The following MAP2K5 variants were observed in gnomAD, a reference collection of about 807,000 sequenced individuals.
MAP2K5 encodes the protein dual specificity mitogen-activated protein kinase kinase 5.
Under a neutral mutation model 83.1 loss-of-function variants are expected in MAP2K5, and 49 were observed. The observed-to-expected ratio is 0.59, with a 90% CI of 0.47 to 0.75. The LOEUF is 0.75. Among genes scored for constraint, MAP2K5 ranks in the 30% least tolerant of loss-of-function variants. MAP2K5 has a pLI of 0.00. For synonymous variants in MAP2K5, 202 were observed against 191.8 expected (o/e 1.05, Z -0.44); for missense variants, 457 against 557.5 (o/e 0.82, Z 1.82).
chr15:67,606,448 T>G (rs1255680068), intron 8 of MAP2K5, among the ~76,000 whole-genome samples: 1 of 152,230 alleles, frequency 6.6e-6, no homozygotes, highest in Non-Finnish European at 1.5e-5. Flanking sequence ...CATGGTGTTT[T>G]GAAGGTTGAA....
At chr15:67,629,322 A>G (rs867527224) in intron 8 of MAP2K5, among the ~76,000 whole-genome samples, 5 of 152,280 alleles carry the variant, frequency 3.3e-5, no homozygotes, top group South Asian at 2.1e-4. Flanking sequence ...TATTTGTCTA[A>G]TTGTATAACA....
At chr15:67,714,489 T>C (rs149323515) in intron 16 of MAP2K5, among the ~76,000 whole-genome samples, 30 of 124,496 alleles carry the variant, frequency 2.4e-4, no homozygotes, top group Middle Eastern at 9.5e-3. Context: ...CTAATGGGTG[T>C]GTGGTTGTGG....
intron 21 of MAP2K5, among the ~76,000 whole-genome samples, chr15:67,795,631 A>G (rs970346252): frequency 6.6e-6 from 1 of 152,182 alleles, no homozygotes; most frequent in Non-Finnish European, 1.5e-5. Flanking sequence ...CCCTTAGAAC[A>G]TGGTCATTTG....
intron 13 of MAP2K5, 65 bp downstream of exon 13, chr15:67,664,710 G>T: frequency 9.9e-7 from 1 of 1,009,618 alleles, no homozygotes; most frequent in South Asian, 1.4e-5. Flanking sequence ...CAGATACCTT[G>T]ATTTTTAAAG....
At chr15:67,578,669 T>C (rs1054576525) in intron 3 of MAP2K5, among the ~76,000 whole-genome samples, 9 of 152,106 alleles carry the variant, frequency 5.9e-5, no homozygotes. Flanking sequence ...TATAGATGGC[T>C]TAAAAATTCT....
chr15:67,798,946 GC>G (rs1294065808), intron 21 of MAP2K5, among the ~76,000 whole-genome samples: 1 of 152,142 alleles, frequency 6.6e-6, no homozygotes, highest in Non-Finnish European at 1.5e-5. Context: ...CAAAGCAGGT[GC>G]ATCACGAGGT....
At chr15:67,728,819 G>A (rs2089160522) in intron 17 of MAP2K5, among the ~76,000 whole-genome samples, 1 of 152,224 alleles carries the variant, frequency 6.6e-6, no homozygotes, top group Admixed American at 6.5e-5. Context: ...TTATGCAGAT[G>A]CATCACAAAC....
chr15:67,658,308 A>G (rs2087139802), intron 11 of MAP2K5, among the ~76,000 whole-genome samples: 1 of 152,130 alleles, frequency 6.6e-6, no homozygotes, highest in Non-Finnish European at 1.5e-5. Context: ...GCCCTTGACT[A>G]GTTTCTTTCA....
At position 67,586,913 on chromosome 15, in the gene MAP2K5, G is replaced by A. The variant is rs1210064603; in HGVS notation, c.431G>A (p.Ser144Asn). ...PAVSDSLPSN[S>N]LKKSSAELKK... Reference sequence around the variant, plus strand: ...GTCTCAGATTCACTTCCAAGCAATAGGTGCGAGCGAGCAAGTAAAGTGTGC... The same window carrying A: ...GTCTCAGATTCACTTCCAAGCAATAAGTGCGAGCGAGCAAGTAAAGTGTGC... The change falls in exon 6 of 22, where the codon AGC (serine) becomes AAC (asparagine). Residue 144 changes from serine to asparagine, a missense_variant and splice_region_variant. Coordinates refer to ENST00000178640, the MANE Select transcript of MAP2K5 (RefSeq NM_145160.3). 6.2e-7 allele frequency: 1 copy of A among 1,614,144 alleles called. No homozygotes were observed. The highest frequency in any genetic ancestry group is 8.5e-7 in the Non-Finnish European group (1 of 1,180,012).
chr15:67,662,278 T>G (rs140949961), intron 12 of MAP2K5, among the ~76,000 whole-genome samples: 76 of 152,328 alleles, frequency 5.0e-4, no homozygotes, highest in African/African-American at 1.8e-3. Context: ...ATTGCATTTC[T>G]TATTTCACAG....
intron 8 of MAP2K5, among the ~76,000 whole-genome samples, chr15:67,603,295 GGGC>G (rs1344545180): frequency 6.6e-6 from 1 of 152,096 alleles, no homozygotes; most frequent in African/African-American, 2.4e-5. Context: ...CCTTTAATTA[GGGC>G]TACTATGTCA....
At chr15:67,613,243 A>G (rs1262924982) in intron 8 of MAP2K5, among the ~76,000 whole-genome samples, 1 of 152,226 alleles carries the variant, frequency 6.6e-6, no homozygotes, top group Non-Finnish European at 1.5e-5. Flanking sequence ...CAGTGCAGAA[A>G]ACTTAAAAGA....
intron 11 of MAP2K5, among the ~76,000 whole-genome samples, chr15:67,647,015 T>TA (rs1344283393): frequency 1.3e-5 from 2 of 152,220 alleles, no homozygotes; most frequent in African/African-American, 2.4e-5. Flanking sequence ...ACCTGAATAT[T>TA]ACGGCAAAAT....
In MAP2K5 at chr15:67,614,978, T is replaced by TATGAGGGG. The variant is rs202055624; in HGVS notation, c.545+14230_545+14237dup. ...CATATTTGACTTGAGACCTAAACAG[T>TATGAGGGG]ATGAGGGGCTCTGTTTTTTTTTCTT... is the stretch of plus-strand genomic sequence containing the variant. On this transcript the variant is annotated intron_variant, in intron 8 of 21. Coordinates refer to ENST00000178640, the MANE Select transcript of MAP2K5 (RefSeq NM_145160.3). 3.0e-3 allele frequency among the ~76,000 whole-genome samples: 450 copies of TATGAGGGG among 152,214 alleles called. 18 individuals are homozygous for TATGAGGGG. In the East Asian group the frequency reaches 0.077, roughly 26 times the overall value.
Position 67,724,642 on chromosome 15 carries a change from G to A in MAP2K5, c.1045-3274G>A, listed in dbSNP as rs908785410. 6.6e-6 allele frequency among the ~76,000 whole-genome samples: 1 copy of A among 152,146 alleles called. No homozygotes were observed. The highest frequency in any genetic ancestry group is 2.4e-5 in the African/African-American group (1 of 41,420). On this transcript the variant is annotated intron_variant, in intron 16 of 21. Transcript: ENST00000178640. This position sits in a 1 kb window ranked among gnomAD's most constrained non-coding sequence, Gnocchi z 4.4. Reference sequence around the variant, plus strand: ...TTTTTACCTCCTCCCAATAGAACTTGATAAAAAGAGTTCTAGAGCCTGGCT... The same window carrying A: ...TTTTTACCTCCTCCCAATAGAACTTAATAAAAAGAGTTCTAGAGCCTGGCT...
In MAP2K5 at chr15:67,785,486, A is replaced by G. The variant is rs1397498710; in HGVS notation, c.1242+12734A>G. Reference sequence around the variant, plus strand: ...TAGGGAATACAGAGGGCTATCAGACACTAATCCAGCAAACACAAATCCATC... The same window carrying G: ...TAGGGAATACAGAGGGCTATCAGACGCTAATCCAGCAAACACAAATCCATC... On this transcript the variant is annotated intron_variant, in intron 21 of 21. Coordinates refer to ENST00000178640, the MANE Select transcript of MAP2K5 (RefSeq NM_145160.3). This position sits in a 1 kb window ranked among gnomAD's most constrained non-coding sequence, Gnocchi z 4.4. Among the ~76,000 whole-genome samples, 1 of 152,208 alleles carries G rather than the reference A, an allele frequency of 6.6e-6. No individual in the cohort carries two copies. The highest frequency in any genetic ancestry group is 2.4e-5 in the African/African-American group (1 of 41,462).
At chr15:67,663,160 A>G (rs779515944) in intron 12 of MAP2K5, among the ~76,000 whole-genome samples, 19 of 152,226 alleles carry the variant, frequency 1.2e-4, no homozygotes, top group Non-Finnish European at 2.6e-4. Context: ...TTTCCTAAGA[A>G]CAAACACATT....
intron 3 of MAP2K5, among the ~76,000 whole-genome samples, chr15:67,579,081 A>G (rs2085124396): frequency 6.6e-6 from 1 of 152,258 alleles, no homozygotes; most frequent in Admixed American, 6.5e-5. Context: ...GTCTTGTATC[A>G]GTACAAAAAG....
chr15:67,696,080 T>A (rs2141206807), intron 15 of MAP2K5, among the ~76,000 whole-genome samples: 1 of 150,680 alleles, frequency 6.6e-6, no homozygotes, highest in South Asian at 2.1e-4. Context: ...CAGGTATGAA[T>A]CCCTGACTTT....
Sources: allele counts gnomAD v4.1 joint callset (sites outside exome capture counted in the v4.1 genomes callset), GRCh38; gene constraint gnomAD v4.1.1; non-coding constraint Gnocchi (gnomAD v3.1); transcripts MANE v1.5; gene names NCBI Gene and HGNC (gene_info 2026-07-23, HGNC 2026-07-21).